The following AK7 variants were observed in gnomAD, a reference collection of about 807,000 sequenced individuals.
AK7 encodes the protein ATP-AMP transphosphorylase 7.
Under a neutral mutation model 96.6 loss-of-function variants are expected in AK7, and 78 were observed. The observed-to-expected ratio is 0.81, with a 90% CI of 0.67 to 0.97. The LOEUF is 0.97. Among genes scored for constraint, AK7 ranks in the 50% least tolerant of loss-of-function variants. The pLI is 0.00. For missense variants in AK7, 855 were observed against 887.9 expected (o/e 0.96, Z 0.47); for synonymous variants, 302 against 317.2 (o/e 0.95, Z 0.51).
At chr14:96,488,240 A>G in intron 17 of AK7, 65 bp from the exon 18 acceptor site, 1 of 1,455,896 alleles carries the variant, frequency 6.9e-7, no homozygotes. Context: ...TGTAAACATT[A>G]CTAATACAAA....
In AK7 at chr14:96,469,800, G is replaced by A. The variant is rs1040608805; in HGVS notation, c.1358-1678G>A. ...ACACTGAAAGGTAGAAGAAAGGAGA[G>A]GTGTTTTGTGTTTTGTTTTTTGTTT... On this transcript the variant is annotated intron_variant, in intron 12 of 17. Coordinates refer to ENST00000267584, the MANE Select transcript of AK7 (RefSeq NM_152327.5). Among the ~76,000 whole-genome samples the A allele has an allele frequency of 2.0e-5, 3 of 152,094 alleles. No homozygotes were observed. The East Asian group carries it at 5.8e-4, about 29-fold the overall frequency.
chr14:96,446,513 G>T lies in AK7; in HGVS notation c.780-4G>T. On this transcript the variant is annotated splice_region_variant and splice_polypyrimidine_tract_variant and intron_variant, in intron 7 of 17. Coordinates refer to ENST00000267584, the MANE Select transcript of AK7 (RefSeq NM_152327.5). The stretch of plus-strand genomic sequence containing the variant: ...TGATGATTATTTTACCTGTGGGTCT[G>T]CAGAGTGATACAAAACGTCATAGAT... The T allele has an allele frequency of 6.2e-7, 1 of 1,613,666 alleles. No individual in the cohort carries two copies.
chr14:96,394,768 G>C (rs1889964195), intron 1 of AK7, among the ~76,000 whole-genome samples: 1 of 152,212 alleles, frequency 6.6e-6, no homozygotes, highest in Non-Finnish European at 1.5e-5. Flanking sequence ...TTGAGGTCAG[G>C]AGTTCGAGAC....
chr14:96,416,866 C>A (rs1312713527), intron 4 of AK7, among the ~76,000 whole-genome samples: 1 of 152,204 alleles, frequency 6.6e-6, no homozygotes, highest in Non-Finnish European at 1.5e-5. Context: ...CAGCTCAGAA[C>A]CTGCGGCCCC....
intron 1 of AK7, among the ~76,000 whole-genome samples, chr14:96,395,154 C>T (rs1475075981): frequency 1.3e-5 from 2 of 152,132 alleles, no homozygotes; most frequent in Non-Finnish European, 2.9e-5. Context: ...CTGTGTATAA[C>T]TTTTGTCTCC....
At chr14:96,453,793 T>C (rs546226235) in intron 10 of AK7, among the ~76,000 whole-genome samples, 154 of 152,138 alleles carry the variant, frequency 1.0e-3, no homozygotes, top group Admixed American at 2.1e-3. Flanking sequence ...TACACCTGGA[T>C]AAAGTGAGCC....
At chr14:96,414,715 G>T (rs1891224447) in intron 4 of AK7, among the ~76,000 whole-genome samples, 1 of 150,888 alleles carries the variant, frequency 6.6e-6, no homozygotes, top group African/African-American at 2.4e-5. Flanking sequence ...CAAGAAACAG[G>T]CCAAGAAGAC....
intron 5 of AK7, among the ~76,000 whole-genome samples, chr14:96,422,678 G>C (rs562642380): frequency 6.6e-6 from 1 of 152,236 alleles, no homozygotes. Flanking sequence ...GGCTCATTCT[G>C]GCAGCCCAAC....
intron 6 of AK7, among the ~76,000 whole-genome samples, 187 bp downstream of exon 6, chr14:96,438,102 CA>C (rs1892749922): frequency 6.6e-6 from 1 of 152,038 alleles, no homozygotes; most frequent in Admixed American, 6.6e-5. Flanking sequence ...TCACCACTCT[CA>C]AAATAATAAT....
chr14:96,458,144 A>G lies in AK7; in HGVS notation c.1289A>G (p.Glu430Gly), dbSNP rs770845982. ...GAAGAAGAAGTCGAAGAGGAAGAGG[A>G]GGAGGAGAATGTGGAAGATGCACAG... ...EGEEEVEEEEEEENVEDAQEL... is the reference protein window; with the variant it reads ...EGEEEVEEEEGEENVEDAQEL... Residue 430 changes from glutamate to glycine, a missense_variant, in exon 12 of 18, where the codon GAG (glutamate) becomes GGG (glycine). Coordinates refer to ENST00000267584, the MANE Select transcript of AK7 (RefSeq NM_152327.5). 6.2e-7 allele frequency: 1 copy of G among 1,614,076 alleles called. No individual in the cohort carries two copies. The highest frequency in any genetic ancestry group is 8.5e-7 in the Non-Finnish European group (1 of 1,179,960).
chr14:96,400,444 T>G (rs774737866), intron 2 of AK7, among the ~76,000 whole-genome samples: 45 of 152,276 alleles, frequency 3.0e-4, no homozygotes, highest in Non-Finnish European at 5.4e-4. Flanking sequence ...AAAACAGAGG[T>G]GACCCAAACT....
chr14:96,407,971 A>G (rs748248264), intron 3 of AK7, among the ~76,000 whole-genome samples: 2 of 152,230 alleles, frequency 1.3e-5, no homozygotes, highest in Non-Finnish European at 2.9e-5. Flanking sequence ...TTAAATGTGT[A>G]GAGAGCCTTT....
chr14:96,466,789 C>T (rs187225116), intron 12 of AK7, among the ~76,000 whole-genome samples: 1 of 152,224 alleles, frequency 6.6e-6, no homozygotes, highest in African/African-American at 2.4e-5. Flanking sequence ...GAAAACAACC[C>T]TCATTTTTCA....
intron 5 of AK7, among the ~76,000 whole-genome samples, chr14:96,435,533 C>G (rs1221865893): frequency 6.6e-6 from 1 of 152,168 alleles, no homozygotes; most frequent in Admixed American, 6.6e-5. Flanking sequence ...TCCTTGGCTG[C>G]TCCAGCTGGT....
At chr14:96,446,677 A>G in intron 8 of AK7, 70 bp downstream of exon 8, 3 of 1,390,626 alleles carry the variant, frequency 2.2e-6, no homozygotes, top group Non-Finnish European at 3.1e-6. Flanking sequence ...GCGGTGGCTC[A>G]TGCCTGTAAT....
intron 12 of AK7, among the ~76,000 whole-genome samples, chr14:96,462,085 C>G (rs1894284388): frequency 6.6e-6 from 1 of 152,172 alleles, no homozygotes; most frequent in South Asian, 2.1e-4. Flanking sequence ...AGGGCCTGTC[C>G]TCTCACTCTG....
At chr14:96,414,934 T>C (rs1313121013) in intron 4 of AK7, among the ~76,000 whole-genome samples, 1 of 151,960 alleles carries the variant, frequency 6.6e-6, no homozygotes, top group Non-Finnish European at 1.5e-5. Context: ...TAAAATGTTT[T>C]TGTAGTGACA....
chr14:96,478,639 T>C lies in AK7; in HGVS notation c.1730T>C (p.Leu577Pro). 1 of 1,614,146 alleles carries C rather than the reference T, an allele frequency of 6.2e-7. No individual in the cohort carries two copies. Among genetic ancestry groups the C allele is most frequent in the Non-Finnish European group, 8.5e-7 (1 of 1,180,010 alleles). ...DETVFNYFDE[L>P]EIHPIHIDVG... ...ACTGTCTTCAACTATTTTGATGAAC[T>C]TGAAATTCACCCGATACATATTGGT... The change falls in exon 15 of 18, where the codon CTT becomes CCT. Residue 577 changes from leucine (L) to proline (P), a missense_variant. By Grantham distance (98) the Leu-to-Pro change is moderately conservative (BLOSUM62 -3). Transcript: ENST00000267584.
intron 8 of AK7, 147 bp downstream of exon 8, chr14:96,446,754 A>G: frequency 1.7e-6 from 1 of 597,796 alleles, no homozygotes; most frequent in Non-Finnish European, 3.0e-6. Context: ...CAGCCTGACC[A>G]ACATGATGAA....
Sources: allele counts gnomAD v4.1 joint callset (sites outside exome capture counted in the v4.1 genomes callset), GRCh38; gene constraint gnomAD v4.1.1; transcripts MANE v1.5; gene names NCBI Gene and HGNC (gene_info 2026-07-23, HGNC 2026-07-21).